Variants in SLC25A21 observed in about 807,000 individuals in gnomAD.
SLC25A21 encodes solute carrier family 25 member 21.
A neutral mutation model predicts 43.8 loss-of-function variants in SLC25A21; 47 were observed. The observed-to-expected ratio is 1.07, with a 90% confidence interval of 0.85 to 1.37. The LOEUF is 1.37. Ranked by LOEUF, SLC25A21 falls within the 40% of genes most tolerant of loss-of-function variation. The probability of loss-of-function intolerance (pLI) is 0.00; values close to 1 mark genes in which losing one functional copy is unlikely to be tolerated. For missense variants in SLC25A21, 352 were observed against 350.2 expected, an observed-to-expected ratio of 1.00 and a Z score of -0.04; for synonymous variants, 131 against 121.3, an observed-to-expected ratio of 1.08 and a Z score of -0.52.
chr14:36,769,524 A>C (rs1886541066), intron 3 of SLC25A21, among the ~76,000 whole-genome samples: 1 of 152,144 alleles, frequency 6.6e-6, no homozygotes, highest in Non-Finnish European at 1.5e-5. Context: ...ATTCCTAAAA[A>C]TCCCTAAAAA....
intron 3 of SLC25A21, among the ~76,000 whole-genome samples, chr14:36,752,988 G>T (rs558908455): frequency 2.6e-5 from 4 of 152,062 alleles, no homozygotes; most frequent in African/African-American, 7.2e-5. Flanking sequence ...ATGTGAGAAC[G>T]AACTAATAAA....
chr14:36,739,676 A>G (rs1240763248), intron 3 of SLC25A21, among the ~76,000 whole-genome samples: 1 of 113,844 alleles, frequency 8.8e-6, no homozygotes, highest in Non-Finnish European at 1.8e-5. Flanking sequence ...GACTCTGTCT[A>G]AAAAAAAAGA....
chr14:36,950,286 G>C (rs1892776286), intron 1 of SLC25A21, among the ~76,000 whole-genome samples: 1 of 152,158 alleles, frequency 6.6e-6, no homozygotes, highest in Non-Finnish European at 1.5e-5. Context: ...CCAATTCATA[G>C]GTTAAAATCC....
At chr14:36,752,358 CAT>C (rs1384173266) in intron 3 of SLC25A21, among the ~76,000 whole-genome samples, 1 of 152,168 alleles carries the variant, frequency 6.6e-6, no homozygotes, top group African/African-American at 2.4e-5. Context: ...AGAAATCAAA[CAT>C]AGATTTACCA....
chr14:37,026,564 T>C (rs1350172765), intron 1 of SLC25A21, among the ~76,000 whole-genome samples: 2 of 152,174 alleles, frequency 1.3e-5, no homozygotes, highest in Non-Finnish European at 2.9e-5. Flanking sequence ...GTAAAACTAT[T>C]TTGTGAAATA....
chr14:36,902,391 T>C (rs548354366), intron 1 of SLC25A21, among the ~76,000 whole-genome samples: 76 of 152,176 alleles, frequency 5.0e-4, no homozygotes, highest in African/African-American at 1.8e-3. Context: ...CTCTGGTGGC[T>C]AGTGTCTCAA....
At position 37,172,503 on chromosome 14, in the gene SLC25A21, G is replaced by C; in HGVS notation, c.-153C>G. 4.8e-6 allele frequency: 4 copies of C among 830,612 alleles called. No homozygotes were observed. The South Asian group carries it at 5.8e-5, about 12-fold the overall frequency. 51.5% of individuals were successfully genotyped at this position (830,612 alleles called of 1,614,324 possible). On this transcript the variant is annotated 5_prime_UTR_variant, in exon 1 of 10. Coordinates refer to ENST00000331299, the MANE Select transcript of SLC25A21 (RefSeq NM_030631.4). Reference sequence around the variant, plus strand: ...CAATCCGGCGACTGCTGGAAAGCGAGGGTTCGAGGCGCAGATTCGTCGCGC... The same window carrying C: ...CAATCCGGCGACTGCTGGAAAGCGACGGTTCGAGGCGCAGATTCGTCGCGC...
chr14:36,772,168 A>G (rs1320384047), intron 3 of SLC25A21, among the ~76,000 whole-genome samples: 1 of 152,206 alleles, frequency 6.6e-6, no homozygotes, highest in Non-Finnish European at 1.5e-5. Context: ...AAAAGCCTAC[A>G]TAGGAAGTGA....
intron 7 of SLC25A21, among the ~76,000 whole-genome samples, chr14:36,698,338 C>T (rs1357322382): frequency 6.6e-6 from 1 of 152,094 alleles, no homozygotes; most frequent in African/African-American, 2.4e-5. Context: ...CTCTGGCTGC[C>T]CTTAACACCT....
chr14:36,688,700 C>T (rs541491821), intron 7 of SLC25A21, among the ~76,000 whole-genome samples: 25 of 152,334 alleles, frequency 1.6e-4, no homozygotes, highest in African/African-American at 5.5e-4. Flanking sequence ...CCCCAGCTCA[C>T]AGAAGAGGTA....
At chr14:36,951,210 T>C (rs1011953429) in intron 1 of SLC25A21, among the ~76,000 whole-genome samples, 5 of 144,614 alleles carry the variant, frequency 3.5e-5, no homozygotes, top group African/African-American at 1.3e-4. Flanking sequence ...AGTTTAACAA[T>C]AGTTTGCCTT....
intron 1 of SLC25A21, among the ~76,000 whole-genome samples, chr14:36,975,554 T>C (rs978930001): frequency 5.9e-5 from 9 of 152,344 alleles, no homozygotes; most frequent in Non-Finnish European, 1.0e-4. Context: ...GTACAAATCT[T>C]ACAGAATACA....
chr14:36,711,588 T>TC lies in SLC25A21; in HGVS notation c.439-107dup. Reference sequence around the variant, plus strand: ...AAGCCAGAATTATTAGGGACTTTTTTCCCCCAGATATGAATAATCATGCCT... The same window carrying TC: ...AAGCCAGAATTATTAGGGACTTTTTTCCCCCCAGATATGAATAATCATGCCT... On this transcript the variant is annotated intron_variant, in intron 6 of 9. Transcript: ENST00000331299. The TC allele has an allele frequency of 3.9e-6, 5 of 1,277,298 alleles. No homozygotes were observed. The South Asian group carries it at 8.4e-5, about 21-fold the overall frequency. The allele number at this position is 1,277,298 out of a possible 1,614,324, so 79.1% of individuals were successfully genotyped here. A position where few individuals can be genotyped will look rare whatever the true frequency, so the allele number is the denominator to read the frequency against.
intron 1 of SLC25A21, among the ~76,000 whole-genome samples, chr14:37,094,887 T>G (rs1057035629): frequency 1.3e-5 from 2 of 152,198 alleles, no homozygotes; most frequent in Admixed American, 6.5e-5. Flanking sequence ...CAACACCTAT[T>G]GTACAACATG....
At chr14:37,035,774 TC>T (rs1407569868) in intron 1 of SLC25A21, among the ~76,000 whole-genome samples, 3 of 152,202 alleles carry the variant, frequency 2.0e-5, no homozygotes, top group Non-Finnish European at 4.4e-5. Context: ...ACATCTGGAA[TC>T]CTAATGGGCC....
chr14:36,879,452 A>G (rs1164212210), intron 1 of SLC25A21, among the ~76,000 whole-genome samples: 1 of 152,174 alleles, frequency 6.6e-6, no homozygotes, highest in Non-Finnish European at 1.5e-5. Flanking sequence ...CTGTAAATTT[A>G]ATATATTGTA....
chr14:36,820,463 TATA>T (rs1888586464), intron 2 of SLC25A21, among the ~76,000 whole-genome samples: 1 of 152,162 alleles, frequency 6.6e-6, no homozygotes, highest in Admixed American at 6.5e-5. Context: ...CACTAGGCTG[TATA>T]ATAATTCCAC....
chr14:37,011,314 T>C (rs985395728), intron 1 of SLC25A21, among the ~76,000 whole-genome samples: 11 of 152,200 alleles, frequency 7.2e-5, no homozygotes, highest in South Asian at 2.1e-4. Context: ...CTGACCTAAA[T>C]TCTAAATCCT....
At chr14:37,143,395 CAG>C in intron 1 of SLC25A21, among the ~76,000 whole-genome samples, 1 of 152,228 alleles carries the variant, frequency 6.6e-6, no homozygotes, top group East Asian at 1.9e-4. Flanking sequence ...CCTGCTGTCA[CAG>C]GGGCTGGCTA....
Sources: allele counts gnomAD v4.1 joint callset (sites outside exome capture counted in the v4.1 genomes callset), GRCh38; gene constraint gnomAD v4.1.1; transcripts MANE v1.5; gene names NCBI Gene and HGNC (gene_info 2026-07-23, HGNC 2026-07-21).